Variants in ITGB2 observed in about 807,000 individuals in gnomAD.
ITGB2 encodes integrin subunit beta 2.
In ITGB2, 56 loss-of-function variants were observed where a neutral mutation model predicts 86.8. The observed-to-expected ratio is 0.65, with a 90% CI of 0.52 to 0.81. The LOEUF (loss-of-function observed/expected upper bound fraction) is 0.81, where lower values mean the gene tolerates loss of function less well. Ranked by LOEUF, ITGB2 falls within the 30% of genes least tolerant of loss-of-function variation. The probability of loss-of-function intolerance (pLI) is 0.00; values close to 1 mark genes in which losing one functional copy is unlikely to be tolerated. For missense variants in ITGB2, 948 were observed against 1,061.2 expected (o/e 0.89, Z 1.48); for synonymous variants, 457 against 450.4 (o/e 1.01, Z -0.19).
chr21:44,900,586 G>T, intron 6 of ITGB2, 111 bp from the exon 7 acceptor site: 1 of 1,356,260 alleles, frequency 7.4e-7, no homozygotes, highest in Non-Finnish European at 1.0e-6. Context: ...GGCTGGTGTG[G>T]GTCCCCCTTT....
upstream of ITGB2, among the ~76,000 whole-genome samples, chr21:44,925,259 T>C (rs2084356937): frequency 6.6e-6 from 1 of 152,098 alleles, no homozygotes; most frequent in Non-Finnish European, 1.5e-5. Flanking sequence ...GTAAATTTTC[T>C]TTTTGTTGCT....
chr21:44,923,692 G>A (rs990852240), upstream of ITGB2, among the ~76,000 whole-genome samples: 1 of 152,192 alleles, frequency 6.6e-6, no homozygotes, highest in African/African-American at 2.4e-5. Context: ...AAATGGTTTT[G>A]GAGAAGTTGG....
At chr21:44,889,574 C>A (rs1356046817) in intron 12 of ITGB2, 79 bp from the exon 13 acceptor site, 1 of 1,278,144 alleles carries the variant, frequency 7.8e-7, no homozygotes, top group African/African-American at 1.5e-5. Context: ...TGCGGTTGCT[C>A]CCTCCGGCCC....
Position 44,890,059 on chromosome 21 carries a change from C to G in ITGB2, c.1576G>C (p.Gly526Arg). ...QCLCHTSDVP[G>R]KLIYGQYCEC... ...CAGTACTGCCCGTATATCAGCTTGC[C>G]GGGGACGTCGCTGGTGTGGCACAGG... The change falls in exon 12 of 16, where the codon GGC becomes CGC. Residue 526 changes from glycine to arginine, a missense_variant. Coordinates refer to ENST00000652462, the MANE Select transcript of ITGB2 (RefSeq NM_000211.5). 21 of 1,613,500 alleles carry G rather than the reference C, an allele frequency of 1.3e-5. No individual in the cohort carries two copies. Among genetic ancestry groups the G allele is most frequent in the Non-Finnish European group, 1.8e-5 (21 of 1,180,024 alleles).
chr21:44,927,646 A>T (rs1008373063), intron 1 of ITGB2: 4 of 151,678 alleles, frequency 2.6e-5, no homozygotes, highest in Non-Finnish European at 4.4e-5. Context: ...TGCAGTGTTG[A>T]TTCAGCTCCC....
intron 11 of ITGB2, 35 bp downstream of exon 11, chr21:44,891,774 G>A (rs371344397): frequency 1.4e-5 from 23 of 1,597,162 alleles, no homozygotes; most frequent in African/African-American, 2.7e-5. Flanking sequence ...GGTGGGGCTC[G>A]GGGATGGTTC....
rs2083839104 is a variant in ITGB2, at chr21:44,894,729, A to G, written c.1083+242T>C. On this transcript the variant is annotated intron_variant, in intron 9 of 15. Transcript: ENST00000652462. Reference sequence around the variant, plus strand: ...GAAGAGTCTGGAATGAAGAGTCCGGAGCTCAGGTTTCAGGGAGCATCGCCC... The same window carrying G: ...GAAGAGTCTGGAATGAAGAGTCCGGGGCTCAGGTTTCAGGGAGCATCGCCC... 1.4e-5 allele frequency: 8 copies of G among 572,274 alleles called. No homozygotes were observed. The South Asian group carries it at 1.5e-4, about 11-fold the overall frequency. 35.4% of individuals were successfully genotyped at this position (572,274 alleles called of 1,614,324 possible).
chr21:44,887,451 G>A (rs1190996875), intron 14 of ITGB2, among the ~76,000 whole-genome samples: 3 of 152,138 alleles, frequency 2.0e-5, no homozygotes, highest in Admixed American at 6.5e-5. Flanking sequence ...GCCCACAGCT[G>A]CTGACCCTGG....
chr21:44,926,890 C>G (rs890444735), intron 1 of ITGB2: 1 of 152,244 alleles, frequency 6.6e-6, no homozygotes, highest in Non-Finnish European at 1.5e-5. Context: ...TGAGGCTGCC[C>G]GACCCTGAGC....
At chr21:44,918,105 G>T (rs2084238112) in intron 1 of ITGB2, among the ~76,000 whole-genome samples, 1 of 152,248 alleles carries the variant, frequency 6.6e-6, no homozygotes, top group South Asian at 2.1e-4. Flanking sequence ...CTCCATAATT[G>T]CTAGGCGCCC....
At chr21:44,893,613 GT>G in intron 9 of ITGB2, 69 bp from the exon 10 acceptor site, 1 of 1,591,600 alleles carries the variant, frequency 6.3e-7, no homozygotes, top group Non-Finnish European at 8.6e-7. Flanking sequence ...TGGCCCAGCG[GT>G]TTAGACCCGT....
chr21:44,892,131 G>A lies in ITGB2; in HGVS notation c.1225-135C>T, dbSNP rs543166677. On this transcript the variant is annotated intron_variant, in intron 10 of 15. Coordinates refer to ENST00000652462, the MANE Select transcript of ITGB2 (RefSeq NM_000211.5). ...GGGAGGAAGGGGTGACCAGGAGCAGGAAGAGCTGATGCTCAGATCCGAGAG... is the reference window on the plus strand; with the variant it reads ...GGGAGGAAGGGGTGACCAGGAGCAGAAAGAGCTGATGCTCAGATCCGAGAG... 5 of 866,142 alleles carry A rather than the reference G, an allele frequency of 5.8e-6. No homozygotes were observed. The East Asian group carries it at 1.3e-4, about 23-fold the overall frequency. The allele number at this position is 866,142 out of a possible 1,614,324, so 53.7% of individuals were successfully genotyped here.
intron 3 of ITGB2, among the ~76,000 whole-genome samples, chr21:44,907,533 G>A (rs185569396): frequency 1.3e-5 from 2 of 152,322 alleles, no homozygotes; most frequent in East Asian, 3.9e-4. Flanking sequence ...CAGGGTTCTG[G>A]GCCAAGCCCC....
chr21:44,913,132 C>T (rs2084157109), intron 1 of ITGB2, among the ~76,000 whole-genome samples: 1 of 150,176 alleles, frequency 6.7e-6, no homozygotes, highest in Non-Finnish European at 1.5e-5. Context: ...TTCAGGACTC[C>T]CCCAGGGTGC....
At chr21:44,908,973 T>C (rs1488685851) in intron 3 of ITGB2, among the ~76,000 whole-genome samples, 1 of 152,116 alleles carries the variant, frequency 6.6e-6, no homozygotes, top group Non-Finnish European at 1.5e-5. Flanking sequence ...AAAATAAAAC[T>C]GTGGGTCACG....
At chr21:44,913,228 A>G (rs372445496) in intron 1 of ITGB2, among the ~76,000 whole-genome samples, 5 of 152,006 alleles carry the variant, frequency 3.3e-5, no homozygotes, top group African/African-American at 1.2e-4. Context: ...AGCCCCAGCC[A>G]GGCTGGTAAG....
At position 44,901,738 on chromosome 21, in the gene ITGB2, A is replaced by G; in HGVS notation, c.500-5T>C. ...TGTCCACGAAGGACCCGAAGCCTGC[A>G]GGGCACATGGAGGGGCTGGGGAGGT... On this transcript the variant is annotated splice_region_variant and splice_polypyrimidine_tract_variant and intron_variant, in intron 5 of 15. Transcript: ENST00000652462. The G allele has an allele frequency of 6.2e-7, 1 of 1,607,688 alleles. No individual in the cohort carries two copies. Among genetic ancestry groups the G allele is most frequent in the Non-Finnish European group, 8.5e-7 (1 of 1,174,730 alleles).
Position 44,910,762 on chromosome 21 carries a change from T to A in ITGB2, c.21A>T (p.Pro7=). Residue 7 remains proline, a synonymous_variant, in exon 2 of 16, where the codon CCA becomes CCT. Transcript: ENST00000652462. MLGLRP[P]LLALVGLLSL... ...AGAGCAGCCCCACCAGGGCGAGCAG[T>A]GGGGGGCGCAGGCCCAGCATGTCCT... The A allele has an allele frequency of 6.2e-7, 1 of 1,613,714 alleles. No individual in the cohort carries two copies. The highest frequency in any genetic ancestry group is 8.5e-7 in the Non-Finnish European group (1 of 1,179,896).
At chr21:44,912,598 C>T (rs1307254546) in intron 1 of ITGB2, among the ~76,000 whole-genome samples, 1 of 152,222 alleles carries the variant, frequency 6.6e-6, no homozygotes, top group Non-Finnish European at 1.5e-5. Context: ...TTTTGGTTCA[C>T]ATTGGGCCCA....
Sources: gnomAD v4.1 joint callset for allele counts (sites outside exome capture counted in the v4.1 genomes callset) on GRCh38, gnomAD v4.1.1 for gene constraint, MANE v1.5 for transcripts, NCBI Gene and HGNC (gene_info 2026-07-23, HGNC 2026-07-21) for gene names.